The following XRCC2 variants were observed in gnomAD, a reference collection of about 807,000 sequenced individuals.
XRCC2 encodes X-ray repair cross complementing 2.
A neutral mutation model predicts 27.3 loss-of-function variants in XRCC2; 24 were observed. The ratio of observed to expected loss-of-function variants is 0.88; its 90% confidence interval spans 0.64 to 1.24. XRCC2 has a LOEUF of 1.24. XRCC2 is among the 50% of genes most tolerant of loss of function. XRCC2 has a pLI of 0.00. For synonymous variants in XRCC2, 106 were observed against 115.4 expected (o/e 0.92, Z 0.52); for missense variants, 321 against 325.8 (o/e 0.99, Z 0.11).
At chr7:152,669,628 C>T (rs973976456) in intron 1 of XRCC2, among the ~76,000 whole-genome samples, 1 of 151,864 alleles carries the variant, frequency 6.6e-6, no homozygotes. Context: ...GTCTCAAACT[C>T]CTGACCTCAA....
Position 152,676,110 on chromosome 7 carries a change from A to G in XRCC2, c.-31T>C. On this transcript the variant is annotated 5_prime_UTR_variant, in exon 1 of 3. Coordinates refer to ENST00000359321, the MANE Select transcript of XRCC2 (RefSeq NM_005431.2). The stretch of plus-strand genomic sequence containing the variant: ...CGAAGGCTCGGCGCAGGAGAGACTC[A>G]ACTTTCCCGCCACCAACGCCATTCA... 2.5e-6 allele frequency: 4 copies of G among 1,613,550 alleles called. No individual in the cohort carries two copies. Among genetic ancestry groups the G allele is most frequent in the Non-Finnish European group, 3.4e-6 (4 of 1,179,726 alleles).
intron 1 of XRCC2, among the ~76,000 whole-genome samples, chr7:152,667,428 A>AAAAAAAAAAAAG (rs1563032964): frequency 2.1e-4 from 16 of 77,918 alleles, no homozygotes; most frequent in South Asian, 5.1e-4. Flanking sequence ...AAAAAAAAAG[A>AAAAAAAAAAAAG]AAAAAAGTAT....
At chr7:152,654,468 C>T (rs2098029929) in intron 2 of XRCC2, among the ~76,000 whole-genome samples, 1 of 152,000 alleles carries the variant, frequency 6.6e-6, no homozygotes, top group African/African-American at 2.4e-5. Flanking sequence ...GAAAATGAAA[C>T]TACTAAATAA....
chr7:152,666,508 A>ATGCTTG (rs2098035775), intron 1 of XRCC2, among the ~76,000 whole-genome samples: 1 of 152,054 alleles, frequency 6.6e-6, no homozygotes, highest in Non-Finnish European at 1.5e-5. Context: ...CACCATGCCC[A>ATGCTTG]GTGGAATCTC....
At chr7:152,653,587 G>A (rs2098029444) in intron 2 of XRCC2, among the ~76,000 whole-genome samples, 1 of 151,926 alleles carries the variant, frequency 6.6e-6, no homozygotes, top group African/African-American at 2.4e-5. Context: ...CGCCTCCTGA[G>A]TAGCTGGGAC....
chr7:152,657,703 C>A (rs2098031282), intron 2 of XRCC2, among the ~76,000 whole-genome samples: 2 of 152,154 alleles, frequency 1.3e-5, no homozygotes, highest in South Asian at 4.1e-4. Context: ...GTAAACAAAG[C>A]TTTTTACAAA....
At position 152,676,093 on chromosome 7, in the gene XRCC2, C is replaced by T. The variant is rs750338805; in HGVS notation, c.-14G>A. The T allele has an allele frequency of 1.1e-5, 18 of 1,613,630 alleles. No homozygotes were observed. The highest frequency in any genetic ancestry group is 4.0e-5 in the African/African-American group (3 of 74,936). ...GGCACTACACATCGCCCCGAAGGCT[C>T]GGCGCAGGAGAGACTCAACTTTCCC... On this transcript the variant is annotated 5_prime_UTR_variant, in exon 1 of 3. Transcript: ENST00000359321.
In XRCC2 at chr7:152,647,318, A is replaced by T. The variant is rs2098026446; in HGVS notation, c.*1324T>A. The T allele has an allele frequency of 6.6e-6, 1 of 150,390 alleles. No homozygotes were observed. Among genetic ancestry groups the T allele is most frequent in the East Asian group, 1.9e-4 (1 of 5,194 alleles). 9.3% of individuals were successfully genotyped at this position (150,390 alleles called of 1,614,324 possible). On this transcript the variant is annotated 3_prime_UTR_variant, in exon 3 of 3. Transcript: ENST00000359321. The stretch of plus-strand genomic sequence containing the variant: ...GATTTCAGACCTTTCTCAGATGCAT[A>T]GTTTGCAACAATTTTCTCCCATTCT...
intron 1 of XRCC2, among the ~76,000 whole-genome samples, chr7:152,674,779 T>TAA (rs1563035405): frequency 8.9e-6 from 1 of 112,384 alleles, no homozygotes; most frequent in African/African-American, 3.3e-5. Flanking sequence ...AATATATTTT[T>TAA]AAATATATAT....
At chr7:152,651,737 C>T (rs925297267) in intron 2 of XRCC2, among the ~76,000 whole-genome samples, 16 of 151,660 alleles carry the variant, frequency 1.1e-4, no homozygotes, top group African/African-American at 3.6e-4. Flanking sequence ...TGGTCTTGAA[C>T]TCCTGGGCTC....
rs748198457 is a variant in XRCC2, at chr7:152,660,731, G to C, written c.91C>G (p.Leu31Val). Reference sequence around the variant, plus strand: ...ACAGGTGAATCTTCATCAGCAAACAGATTTGGTTCTATTTCTTTCAAGGAA... The same window carrying C: ...ACAGGTGAATCTTCATCAGCAAACACATTTGGTTCTATTTCTTTCAAGGAA... The part of the protein sequence containing the change: ...RSSLKEIEPN[L>V]FADEDSPVHG... The change falls in exon 2 of 3, where the codon CTG becomes GTG. Residue 31 changes from leucine to valine, a missense_variant. By Grantham distance (32) the Leu-to-Val change is conservative. Transcript: ENST00000359321. 12 of 1,613,406 alleles carry C rather than the reference G, an allele frequency of 7.4e-6. No individual in the cohort carries two copies. The Admixed American group carries it at 1.0e-4, about 13-fold the overall frequency.
intron 1 of XRCC2, among the ~76,000 whole-genome samples, chr7:152,674,616 A>C (rs554064947): frequency 2.9e-4 from 43 of 146,422 alleles, no homozygotes; most frequent in African/African-American, 1.0e-3. Flanking sequence ...CATCTCAAAA[A>C]AATATATATT....
intron 2 of XRCC2, among the ~76,000 whole-genome samples, chr7:152,657,615 T>C (rs1326065706): frequency 6.6e-6 from 1 of 152,176 alleles, no homozygotes; most frequent in South Asian, 2.1e-4. Flanking sequence ...GTGATCATTT[T>C]AATTACTTTA....
chr7:152,659,804 T>C (rs1030680119), intron 2 of XRCC2, among the ~76,000 whole-genome samples: 5 of 152,176 alleles, frequency 3.3e-5, no homozygotes, highest in Admixed American at 2.0e-4. Flanking sequence ...TATTATCCGA[T>C]AGAACTGAAG....
intron 1 of XRCC2, among the ~76,000 whole-genome samples, chr7:152,671,451 A>G (rs1421754123): frequency 6.6e-6 from 1 of 152,142 alleles, no homozygotes; most frequent in Non-Finnish European, 1.5e-5. Flanking sequence ...AAACTCAAAA[A>G]AGAGGTAAAA....
rs79502860 is a variant in XRCC2, at chr7:152,654,882, T to A, written c.122-5519A>T. On this transcript the variant is annotated intron_variant, in intron 2 of 2. Coordinates refer to ENST00000359321, the MANE Select transcript of XRCC2 (RefSeq NM_005431.2). ...TATCATTAAGGTCCTTGAACTAAAT[T>A]CCTCACAAATATGTTTAATGATGAA... Among the ~76,000 whole-genome samples the A allele has an allele frequency of 2.1e-4, 32 of 152,362 alleles. 1 individual carries two copies. The East Asian group carries it at 6.2e-3, about 29-fold the overall frequency.
chr7:152,675,911 C>T, intron 1 of XRCC2, 130 bp downstream of exon 1: 1 of 1,264,376 alleles, frequency 7.9e-7, no homozygotes. Context: ...GCGTCTAGGC[C>T]GAGAGGCCGG....
At chr7:152,671,584 A>G (rs546336265) in intron 1 of XRCC2, among the ~76,000 whole-genome samples, 44 of 152,346 alleles carry the variant, frequency 2.9e-4, no homozygotes, top group African/African-American at 1.1e-3. Flanking sequence ...ATTGAGGATA[A>G]ATATGTTAAA....
chr7:152,666,103 T>C (rs2098035518), intron 1 of XRCC2, among the ~76,000 whole-genome samples: 1 of 152,230 alleles, frequency 6.6e-6, no homozygotes, highest in African/African-American at 2.4e-5. Context: ...AAAATATGTT[T>C]TATAAAAATA....
Sources: gnomAD v4.1 joint callset for allele counts (sites outside exome capture counted in the v4.1 genomes callset) on GRCh38, gnomAD v4.1.1 for gene constraint, MANE v1.5 for transcripts, NCBI Gene and HGNC (gene_info 2026-07-23, HGNC 2026-07-21) for gene names.